SKAP1: variants seen among roughly 807,000 people sequenced by gnomAD.
SKAP1 encodes the protein src kinase-associated phosphoprotein 1.
SKAP1 carries 44 observed loss-of-function variants against 58.5 expected under a neutral mutation model. The ratio of observed to expected loss-of-function variants is 0.75; its 90% confidence interval spans 0.59 to 0.97. The LOEUF (loss-of-function observed/expected upper bound fraction) is 0.97. Ranked by LOEUF, SKAP1 falls within the 50% of genes least tolerant of loss-of-function variation. The pLI is 0.00. For synonymous variants in SKAP1, 127 were observed against 149.7 expected, an observed-to-expected ratio of 0.85 and a Z score of 1.11; for missense variants, 390 against 435.2, an observed-to-expected ratio of 0.90 and a Z score of 0.92.
At chr17:48,139,637 T>G (rs2063744802) in intron 11 of SKAP1, among the ~76,000 whole-genome samples, 1 of 152,166 alleles carries the variant, frequency 6.6e-6, no homozygotes, top group Non-Finnish European at 1.5e-5. Context: ...TATGTAAAAT[T>G]CAGAGTCCCT....
chr17:48,254,899 C>T (rs1273440477), intron 4 of SKAP1, among the ~76,000 whole-genome samples: 3 of 151,918 alleles, frequency 2.0e-5, no homozygotes, highest in African/African-American at 2.4e-5. Flanking sequence ...ATGATATGAT[C>T]CCAAGAGCAC....
intron 2 of SKAP1, among the ~76,000 whole-genome samples, chr17:48,384,231 T>C (rs1274048363): frequency 6.6e-6 from 1 of 152,066 alleles, no homozygotes; most frequent in African/African-American, 2.4e-5. Context: ...CAGGCCTTGT[T>C]GATGGTTTGG....
At chr17:48,320,078 A>C (rs2066341108) in intron 4 of SKAP1, among the ~76,000 whole-genome samples, 1 of 152,166 alleles carries the variant, frequency 6.6e-6, no homozygotes, top group Non-Finnish European at 1.5e-5. Context: ...AGAGATCCAA[A>C]GGCATGCAAG....
intron 4 of SKAP1, among the ~76,000 whole-genome samples, chr17:48,259,304 TTATTA>T (rs1440854179): frequency 6.6e-6 from 1 of 152,126 alleles, no homozygotes; most frequent in African/African-American, 2.4e-5. Flanking sequence ...CTCATATCTA[TTATTA>T]TATTAGAATA....
At chr17:48,327,093 G>A (rs1224793822) in intron 4 of SKAP1, among the ~76,000 whole-genome samples, 1 of 152,048 alleles carries the variant, frequency 6.6e-6, no homozygotes, top group Non-Finnish European at 1.5e-5. Flanking sequence ...GTTTTGCCAT[G>A]TTGGCCAGGC....
At chr17:48,245,580 T>C (rs2143843791) in intron 4 of SKAP1, among the ~76,000 whole-genome samples, 1 of 152,322 alleles carries the variant, frequency 6.6e-6, no homozygotes, top group African/African-American at 2.4e-5. Context: ...CTATGGTAGT[T>C]ATAACAAATG....
chr17:48,413,523 A>AAAAAAAAAAAAAAAAATATATATATAT, intron 1 of SKAP1, among the ~76,000 whole-genome samples: 1 of 105,452 alleles, frequency 9.5e-6, no homozygotes, highest in Non-Finnish European at 1.9e-5. Context: ...TCAAAAAAAA[A>AAAAAAAAAAAAAAAAATATATATATAT]ATATATATAT....
intron 4 of SKAP1, among the ~76,000 whole-genome samples, chr17:48,250,276 T>TGTTTTG (rs749956271): frequency 6.5e-5 from 4 of 61,864 alleles, no homozygotes; most frequent in African/African-American, 7.0e-5. Flanking sequence ...TAGACAGTTT[T>TGTTTTG]TTTTTTTTTT....
At chr17:48,284,137 T>G (rs897796196) in intron 4 of SKAP1, among the ~76,000 whole-genome samples, 1 of 152,238 alleles carries the variant, frequency 6.6e-6, no homozygotes, top group African/African-American at 2.4e-5. Flanking sequence ...TAGTAAGAGC[T>G]GCCAACTTGT....
At chr17:48,311,021 C>G (rs2066216319) in intron 4 of SKAP1, among the ~76,000 whole-genome samples, 1 of 152,172 alleles carries the variant, frequency 6.6e-6, no homozygotes, top group Non-Finnish European at 1.5e-5. Context: ...TTTTATTCCC[C>G]CTTCGCCGCC....
chr17:48,370,761 G>C, intron 2 of SKAP1, among the ~76,000 whole-genome samples: 1 of 152,284 alleles, frequency 6.6e-6, no homozygotes, highest in East Asian at 1.9e-4. Context: ...ATTCAACCCC[G>C]TAATCCCATT....
At chr17:48,273,399 A>G (rs2143996208) in intron 4 of SKAP1, among the ~76,000 whole-genome samples, 1 of 149,086 alleles carries the variant, frequency 6.7e-6, no homozygotes, top group Admixed American at 6.8e-5. Flanking sequence ...CCCAAGGGCT[A>G]TATATGCCAA....
intron 4 of SKAP1, among the ~76,000 whole-genome samples, chr17:48,253,681 C>T (rs1013926386): frequency 6.6e-5 from 10 of 152,090 alleles, no homozygotes; most frequent in East Asian, 3.9e-4. Context: ...TTCTTCTATA[C>T]GACTGTGGAA....
chr17:48,155,971 G>A (rs186157803), intron 11 of SKAP1, among the ~76,000 whole-genome samples: 17 of 152,294 alleles, frequency 1.1e-4, no homozygotes, highest in African/African-American at 3.6e-4. Context: ...AGGGTGATTC[G>A]GCACCTGCCC....
intron 2 of SKAP1, among the ~76,000 whole-genome samples, chr17:48,364,459 G>A (rs2144401942): frequency 6.6e-6 from 1 of 152,248 alleles, no homozygotes; most frequent in Admixed American, 6.5e-5. Context: ...GGCAGATCAT[G>A]AGGTCAGCAG....
At chr17:48,409,915 G>C (rs2067640393) in intron 1 of SKAP1, among the ~76,000 whole-genome samples, 1 of 152,140 alleles carries the variant, frequency 6.6e-6, no homozygotes, top group South Asian at 2.1e-4. Flanking sequence ...TTTCAAGAAA[G>C]AATGTAAACT....
At chr17:48,372,979 G>A (rs1239418869) in intron 2 of SKAP1, among the ~76,000 whole-genome samples, 1 of 152,132 alleles carries the variant, frequency 6.6e-6, no homozygotes, top group Non-Finnish European at 1.5e-5. Flanking sequence ...TTTTACACAT[G>A]AGGAAACTCA....
At chr17:48,328,571 G>A (rs2066466277) in intron 4 of SKAP1, among the ~76,000 whole-genome samples, 1 of 151,958 alleles carries the variant, frequency 6.6e-6, no homozygotes, top group African/African-American at 2.4e-5. Context: ...CAATCAAAAT[G>A]TCAAGTAATG....
chr17:48,191,724 A>AT (rs1397806377), intron 4 of SKAP1, among the ~76,000 whole-genome samples: 1 of 152,116 alleles, frequency 6.6e-6, no homozygotes, highest in African/African-American at 2.4e-5. Context: ...TATGTGCCTG[A>AT]TTTTTTATCC....
Sources: gnomAD v4.1 joint callset for allele counts (sites outside exome capture counted in the v4.1 genomes callset) on GRCh38, gnomAD v4.1.1 for gene constraint, MANE v1.5 for transcripts, NCBI Gene and HGNC (gene_info 2026-07-23, HGNC 2026-07-21) for gene names.